Variants in FAM241A observed in about 807,000 individuals in gnomAD.
FAM241A encodes family with sequence similarity 241 member A.
In FAM241A, 7 loss-of-function variants were observed where a neutral mutation model predicts 12.2. That is an observed-to-expected ratio of 0.58 (90% CI 0.33 to 1.08). FAM241A has a LOEUF of 1.08. Among genes scored for constraint, FAM241A ranks in the 50% least tolerant of loss-of-function variants. The pLI is 0.04. For missense variants in FAM241A, 161 were observed against 169.7 expected, an observed-to-expected ratio of 0.95 and a Z score of 0.29; for synonymous variants, 74 against 68.2, an observed-to-expected ratio of 1.08 and a Z score of -0.42.
chr4:112,157,272 GA>G (rs1723373964), intron 1 of FAM241A, among the ~76,000 whole-genome samples: 1 of 152,100 alleles, frequency 6.6e-6, no homozygotes. Context: ...GAAGTCAATT[GA>G]ACCTTCACTG....
Position 112,183,878 on chromosome 4 carries a change from G to GT in FAM241A, c.154-2808dup, listed in dbSNP as rs200823975. On this transcript the variant is annotated intron_variant, in intron 1 of 1. Coordinates refer to ENST00000309733, the MANE Select transcript of FAM241A (RefSeq NM_152400.3). Reference sequence around the variant, plus strand: ...GCTTTAATATTAGGCAAGAATAAGGGTTTTTTTAAAATGTAGTATATTGTT... The same window carrying GT: ...GCTTTAATATTAGGCAAGAATAAGGGTTTTTTTTAAAATGTAGTATATTGTT... Among the ~76,000 whole-genome samples, 95 of 151,868 alleles carry GT rather than the reference G, an allele frequency of 6.3e-4. 1 individual carries two copies. Among genetic ancestry groups the GT allele is most frequent in the Admixed American group, 2.6e-4 (4 of 15,254 alleles).
chr4:112,163,058 A>T (rs1723511572), intron 1 of FAM241A, among the ~76,000 whole-genome samples: 1 of 152,240 alleles, frequency 6.6e-6, no homozygotes, highest in African/African-American at 2.4e-5. Flanking sequence ...AGCAATGGGG[A>T]AAGGATTTCC....
At chr4:112,180,574 A>C (rs1367739779) in intron 1 of FAM241A, among the ~76,000 whole-genome samples, 1 of 152,254 alleles carries the variant, frequency 6.6e-6, no homozygotes, top group East Asian at 1.9e-4. Context: ...TTTTCAGTTC[A>C]TTGCTGACTG....
intron 1 of FAM241A, among the ~76,000 whole-genome samples, chr4:112,179,710 AAT>A (rs200567091): frequency 6.7e-4 from 95 of 141,900 alleles, no homozygotes; most frequent in African/African-American, 2.3e-3. Flanking sequence ...AGTATAATAA[AAT>A]ATATATATAT....
chr4:112,180,858 T>G (rs192815201), intron 1 of FAM241A, among the ~76,000 whole-genome samples: 2 of 152,276 alleles, frequency 1.3e-5, no homozygotes, highest in Non-Finnish European at 2.9e-5. Flanking sequence ...TAGACAGAAC[T>G]GTAAGATAAT....
chr4:112,179,943 ATGTG>A (rs35177969), intron 1 of FAM241A, among the ~76,000 whole-genome samples: 10 of 129,508 alleles, frequency 7.7e-5, no homozygotes, highest in South Asian at 2.3e-4. Context: ...ATATATGTAT[ATGTG>A]TGTGTGTGTG....
intron 1 of FAM241A, among the ~76,000 whole-genome samples, chr4:112,162,397 A>G (rs191669827): frequency 5.1e-4 from 77 of 152,350 alleles, no homozygotes; most frequent in African/African-American, 1.9e-3. Flanking sequence ...GCATGATTAT[A>G]TATTTAGAAA....
At chr4:112,185,628 T>G (rs988163105) in intron 1 of FAM241A, among the ~76,000 whole-genome samples, 1 of 152,194 alleles carries the variant, frequency 6.6e-6, no homozygotes, top group African/African-American at 2.4e-5. Flanking sequence ...TTCAGACTTT[T>G]GAGAACAGGT....
Position 112,179,922 on chromosome 4 carries a change from T to C in FAM241A, c.154-6771T>C, listed in dbSNP as rs971304658. ...TTGCATAAAGAAAATGTGATATATA[T>C]ATATATATATATATATGTATATGTG... On this transcript the variant is annotated intron_variant, in intron 1 of 1. Coordinates refer to ENST00000309733, the MANE Select transcript of FAM241A (RefSeq NM_152400.3). Among the ~76,000 whole-genome samples the C allele has an allele frequency of 7.1e-5, 9 of 126,192 alleles. No homozygotes were observed. The East Asian group carries it at 2.2e-3, about 31-fold the overall frequency. 82.8% of individuals were successfully genotyped at this position (126,192 alleles called of 152,430 possible).
At chr4:112,165,125 A>G (rs1288469320) in intron 1 of FAM241A, among the ~76,000 whole-genome samples, 1 of 152,234 alleles carries the variant, frequency 6.6e-6, no homozygotes, top group Non-Finnish European at 1.5e-5. Flanking sequence ...AACAAGACAT[A>G]CAAATGGCAA....
chr4:112,176,938 T>G (rs1052916429), intron 1 of FAM241A, among the ~76,000 whole-genome samples: 1 of 152,224 alleles, frequency 6.6e-6, no homozygotes, highest in Non-Finnish European at 1.5e-5. Context: ...TCTATATTTC[T>G]GCACTCATGT....
At chr4:112,179,128 T>G (rs941247917) in intron 1 of FAM241A, among the ~76,000 whole-genome samples, 2 of 152,240 alleles carry the variant, frequency 1.3e-5, no homozygotes, top group East Asian at 3.8e-4. Flanking sequence ...CTCTTTAGTT[T>G]AATTAGATCC....
At chr4:112,180,272 G>A (rs954812242) in intron 1 of FAM241A, among the ~76,000 whole-genome samples, 1 of 152,060 alleles carries the variant, frequency 6.6e-6, no homozygotes, top group East Asian at 1.9e-4. Flanking sequence ...CTGCCTGAGT[G>A]ATGGAATATA....
chr4:112,147,459 C>T (rs1216567928), intron 1 of FAM241A, among the ~76,000 whole-genome samples: 1 of 152,128 alleles, frequency 6.6e-6, no homozygotes, highest in Non-Finnish European at 1.5e-5. Flanking sequence ...AAAATTGGTG[C>T]AACCCAACCC....
chr4:112,181,536 G>A (rs1723942913), intron 1 of FAM241A, among the ~76,000 whole-genome samples: 1 of 152,202 alleles, frequency 6.6e-6, no homozygotes, highest in African/African-American at 2.4e-5. Flanking sequence ...AGTTCATGAA[G>A]TTTATAGTAC....
At chr4:112,170,853 T>C (rs1246808809) in intron 1 of FAM241A, among the ~76,000 whole-genome samples, 1 of 150,974 alleles carries the variant, frequency 6.6e-6, no homozygotes, top group Non-Finnish European at 1.5e-5. Context: ...ATGTGATACA[T>C]TTTCTCTCTT....
intron 1 of FAM241A, among the ~76,000 whole-genome samples, chr4:112,172,490 T>G (rs1033086902): frequency 1.3e-5 from 2 of 152,238 alleles, no homozygotes; most frequent in African/African-American, 4.8e-5. Context: ...ATATCATTTT[T>G]AAAAACATCA....
At chr4:112,149,366 G>A (rs992112538) in intron 1 of FAM241A, among the ~76,000 whole-genome samples, 1 of 152,090 alleles carries the variant, frequency 6.6e-6, no homozygotes, top group Admixed American at 6.5e-5. Context: ...TTTACAAAAG[G>A]TTGTGTCATT....
At chr4:112,171,121 CTG>C (rs1723709776) in intron 1 of FAM241A, 1 of 394,746 alleles carries the variant, frequency 2.5e-6, no homozygotes, top group South Asian at 2.3e-5. Context: ...AAACAAGAAA[CTG>C]TTATTGTACA....
Sources: gnomAD v4.1 joint callset for allele counts (sites outside exome capture counted in the v4.1 genomes callset) on GRCh38, gnomAD v4.1.1 for gene constraint, MANE v1.5 for transcripts, NCBI Gene and HGNC (gene_info 2026-07-23, HGNC 2026-07-21) for gene names.